The following GRIN2A variants were observed in gnomAD, a reference collection of about 807,000 sequenced individuals.
GRIN2A encodes the protein glutamate ionotropic receptor NMDA type subunit 2A.
A neutral mutation model predicts 113.4 loss-of-function variants in GRIN2A; 22 were observed. The ratio of observed to expected loss-of-function variants is 0.19; its 90% CI spans 0.14 to 0.28. The LOEUF is 0.28. GRIN2A is among the 10% of genes least tolerant of loss of function. The pLI is 1.00. For synonymous variants in GRIN2A, 827 were observed against 738.4 expected, an observed-to-expected ratio of 1.12 and a Z score of -1.94; for missense variants, 1,502 against 1,887.0, an observed-to-expected ratio of 0.80 and a Z score of 3.78.
intron 2 of GRIN2A, among the ~76,000 whole-genome samples, chr16:10,145,012 A>G (rs2049410144): frequency 1.3e-5 from 2 of 151,690 alleles, no homozygotes; most frequent in Non-Finnish European, 2.9e-5. Context: ...AAAAAAAAAG[A>G]AAAAAAAGTC....
At position 10,058,072 on chromosome 16, in the gene GRIN2A, T is replaced by G. The variant is rs569364797; in HGVS notation, c.415-119521A>C. 3.9e-5 allele frequency among the ~76,000 whole-genome samples: 6 copies of G among 152,080 alleles called. No individual in the cohort carries two copies. In the South Asian group the frequency reaches 1.2e-3, roughly 32 times the overall value. ...GAGTTTGAGACAAGCCTGACCAACG[T>G]GTTGAAACCCTGTCTCTACTAAAAA... On this transcript the variant is annotated intron_variant, in intron 2 of 12. Transcript: ENST00000330684.
chr16:9,762,674 A>G lies in GRIN2A; in HGVS notation c.*475T>C, dbSNP rs1448345347. 1.1e-5 allele frequency: 3 copies of G among 282,414 alleles called. No individual in the cohort carries two copies. The Admixed American group carries it at 1.4e-4, about 13-fold the overall frequency. 17.5% of individuals were successfully genotyped at this position (282,414 alleles called of 1,614,324 possible). On this transcript the variant is annotated 3_prime_UTR_variant, in exon 13 of 13. Coordinates refer to ENST00000330684, the MANE Select transcript of GRIN2A (RefSeq NM_001134407.3). ...ACATGTCAATCGCACTACAGTGCAG[A>G]TGCATTCTTAACTGTTTTTATTTTG...
chr16:10,086,844 C>T (rs1438090686), intron 2 of GRIN2A, among the ~76,000 whole-genome samples: 1 of 152,184 alleles, frequency 6.6e-6, no homozygotes, highest in Non-Finnish European at 1.5e-5. Flanking sequence ...ATGGTAAGCT[C>T]TTAGTGGGCA....
rs145658334 is a variant in GRIN2A at position 9,998,383 on chromosome 16, G to T, written c.415-59832C>A. ...AAATTAGATTATTGGTTGCCAGGGA[G>T]CTGGAAGGATGGGGCATGTTGTGTG... On this transcript the variant is annotated intron_variant, in intron 2 of 12. Coordinates refer to ENST00000330684, the MANE Select transcript of GRIN2A (RefSeq NM_001134407.3). Among the ~76,000 whole-genome samples the T allele has an allele frequency of 6.9e-3, 1,049 of 152,318 alleles. 8 individuals are homozygous for T. Among genetic ancestry groups the T allele is most frequent in the Non-Finnish European group, 8.6e-3 (584 of 68,028 alleles).
intron 2 of GRIN2A, among the ~76,000 whole-genome samples, chr16:10,079,790 GA>G (rs1567283677): frequency 2.0e-5 from 3 of 152,216 alleles, no homozygotes; most frequent in African/African-American, 7.2e-5. Flanking sequence ...AGCCCAAACA[GA>G]CTAAGAAAGC....
chr16:9,867,601 C>A (rs1040094308), intron 4 of GRIN2A, among the ~76,000 whole-genome samples: 1 of 152,198 alleles, frequency 6.6e-6, no homozygotes, highest in African/African-American at 2.4e-5. Context: ...GTGGTTTTCA[C>A]TAAATCCAAC....
At chr16:9,802,056 A>G (rs905464452) in intron 10 of GRIN2A, among the ~76,000 whole-genome samples, 3 of 152,228 alleles carry the variant, frequency 2.0e-5, no homozygotes, top group African/African-American at 7.2e-5. Context: ...ATTATTAAAA[A>G]GTCAAAAAAT....
intron 2 of GRIN2A, among the ~76,000 whole-genome samples, chr16:10,005,702 G>A (rs190955608): frequency 2.6e-5 from 4 of 152,304 alleles, no homozygotes. Flanking sequence ...TGGAGACTAA[G>A]TCAAAGCACC....
At position 9,797,230 on chromosome 16, in the gene GRIN2A, G is replaced by A. The variant is rs1032307871; in HGVS notation, c.2356+1047C>T. 4.6e-5 allele frequency among the ~76,000 whole-genome samples: 7 copies of A among 152,144 alleles called. 1 individual carries two copies. Among genetic ancestry groups the A allele is most frequent in the African/African-American group, 7.2e-5 (3 of 41,416 alleles). On this transcript the variant is annotated intron_variant, in intron 11 of 12. Transcript: ENST00000330684. ...TGAATATAGCCTCCACTATTTGAAC[G>A]GGGCTTCTGCCCTCTGGCTTGAGCC...
intron 3 of GRIN2A, among the ~76,000 whole-genome samples, chr16:9,931,309 A>G (rs368502400): frequency 1.3e-5 from 2 of 152,192 alleles, no homozygotes; most frequent in South Asian, 4.1e-4. Context: ...AAGTTATAAT[A>G]ATGATGATGA....
intron 9 of GRIN2A, among the ~76,000 whole-genome samples, chr16:9,826,168 C>A (rs2042383874): frequency 6.6e-6 from 1 of 152,030 alleles, no homozygotes; most frequent in Admixed American, 6.6e-5. Context: ...GGAAATTAAG[C>A]CTAAGGGGAT....
intron 3 of GRIN2A, among the ~76,000 whole-genome samples, chr16:9,907,250 C>T (rs1408405853): frequency 6.6e-6 from 1 of 152,096 alleles, no homozygotes; most frequent in Non-Finnish European, 1.5e-5. Context: ...AGAGTGAGAT[C>T]GTTGTATGGA....
At chr16:10,081,984 T>C (rs528378316) in intron 2 of GRIN2A, among the ~76,000 whole-genome samples, 7 of 152,338 alleles carry the variant, frequency 4.6e-5, no homozygotes, top group Non-Finnish European at 8.8e-5. Context: ...TGTCAACTTA[T>C]AGAACCCTTA....
chr16:9,781,890 C>T (rs1269054428), intron 11 of GRIN2A, among the ~76,000 whole-genome samples: 1 of 152,064 alleles, frequency 6.6e-6, no homozygotes, highest in Non-Finnish European at 1.5e-5. Flanking sequence ...AAGATGATGA[C>T]ATTTTATGCA....
At chr16:10,156,045 C>A (rs769858336) in intron 2 of GRIN2A, among the ~76,000 whole-genome samples, 2 of 152,148 alleles carry the variant, frequency 1.3e-5, no homozygotes, top group Non-Finnish European at 2.9e-5. Flanking sequence ...TAGGAGGGAC[C>A]CTGGACGATG....
chr16:10,049,681 C>T (rs2047323959), intron 2 of GRIN2A, among the ~76,000 whole-genome samples: 2 of 152,132 alleles, frequency 1.3e-5, no homozygotes, highest in Non-Finnish European at 2.9e-5. Context: ...GACCAGCCCA[C>T]AACTTGCCTG....
intron 2 of GRIN2A, among the ~76,000 whole-genome samples, chr16:9,939,955 C>T (rs149468381): frequency 6.0e-5 from 9 of 150,744 alleles, no homozygotes; most frequent in African/African-American, 9.8e-5. Flanking sequence ...TTTTATTTTG[C>T]GTTCTGTATT....
At chr16:9,922,353 C>G (rs189843143) in intron 3 of GRIN2A, among the ~76,000 whole-genome samples, 1 of 151,578 alleles carries the variant, frequency 6.6e-6, no homozygotes, top group Non-Finnish European at 1.5e-5. Flanking sequence ...AGAATCTTAA[C>G]AAAGATTACA....
At chr16:9,962,255 C>G (rs376522870) in intron 2 of GRIN2A, among the ~76,000 whole-genome samples, 3 of 152,148 alleles carry the variant, frequency 2.0e-5, no homozygotes, top group East Asian at 1.9e-4. Context: ...AGCCAAAATT[C>G]ACAAATGGGA....
Sources: allele counts gnomAD v4.1 joint callset (sites outside exome capture counted in the v4.1 genomes callset), GRCh38; gene constraint gnomAD v4.1.1; transcripts MANE v1.5; gene names NCBI Gene and HGNC (gene_info 2026-07-23, HGNC 2026-07-21).